The following ATP2B2 variants were observed in gnomAD, a reference collection of about 807,000 sequenced individuals.
ATP2B2 encodes the protein plasma membrane calcium-transporting ATPase 2.
In ATP2B2, 15 loss-of-function variants were observed where a neutral mutation model predicts 120.0. The ratio of observed to expected loss-of-function variants is 0.12; its 90% CI spans 0.08 to 0.19. The LOEUF is 0.19. Among genes scored for constraint, ATP2B2 ranks in the 10% least tolerant of loss-of-function variants. The probability of loss-of-function intolerance (pLI) is 1.00; values close to 1 mark genes in which losing one functional copy is unlikely to be tolerated. For synonymous variants in ATP2B2, 694 were observed against 700.3 expected, an observed-to-expected ratio of 0.99 and a Z score of 0.14; for missense variants, 1,045 against 1,719.8, an observed-to-expected ratio of 0.61 and a Z score of 6.94.
At chr3:10,339,236 G>A (rs1462128446) in intron 21 of ATP2B2, among the ~76,000 whole-genome samples, 2 of 152,210 alleles carry the variant, frequency 1.3e-5, no homozygotes, top group Non-Finnish European at 2.9e-5. Context: ...CTGGCCCCCA[G>A]GGTGCCCAGG....
chr3:10,574,942 T>C (rs939353983), intron 2 of ATP2B2, among the ~76,000 whole-genome samples: 1 of 152,082 alleles, frequency 6.6e-6, no homozygotes, highest in Non-Finnish European at 1.5e-5. Context: ...GGAACAGCCA[T>C]TCACAAAGGG....
intron 1 of ATP2B2, among the ~76,000 whole-genome samples, chr3:10,452,061 C>T (rs2064075667): frequency 6.6e-6 from 1 of 152,246 alleles, no homozygotes; most frequent in Non-Finnish European, 1.5e-5. Context: ...GACACTGTCT[C>T]ATTCTGTGCA....
intron 1 of ATP2B2, among the ~76,000 whole-genome samples, chr3:10,484,485 T>C (rs2065552670): frequency 6.6e-6 from 1 of 152,036 alleles, no homozygotes; most frequent in Non-Finnish European, 1.5e-5. Flanking sequence ...GGGGTCTCTG[T>C]GGCATTTTGA....
rs867952839 is a variant in ATP2B2, at chr3:10,582,860, G to T, written c.-415+37057C>A. On this transcript the variant is annotated intron_variant, in intron 2 of 21. Coordinates refer to the ATP2B2 transcript ENST00000646379. ...AGGGCAGCCACACCACATGGCTCCA[G>T]CTGGTACCATGCATTCTGCATCTAC... Among the ~76,000 whole-genome samples the T allele has an allele frequency of 3.6e-4, 55 of 152,348 alleles. No individual in the cohort carries two copies. The Middle Eastern group carries it at 0.01, about 28-fold the overall frequency.
At chr3:10,393,070 T>C (rs113636252) in intron 5 of ATP2B2, among the ~76,000 whole-genome samples, 7,724 of 152,188 alleles carry the variant, frequency 0.051, 360 homozygotes, top group African/African-American at 0.12. Context: ...GGCTCTCGGG[T>C]CTGAGAGAGG....
At chr3:10,337,720 C>T (rs921854892) in intron 22 of ATP2B2, among the ~76,000 whole-genome samples, 5 of 152,222 alleles carry the variant, frequency 3.3e-5, no homozygotes, top group Admixed American at 2.6e-4. Context: ...GGGAGAGCAA[C>T]TGAAGCCCCC....
At chr3:10,553,474 G>T (rs1352785088) in intron 2 of ATP2B2, among the ~76,000 whole-genome samples, 1 of 152,236 alleles carries the variant, frequency 6.6e-6, no homozygotes, top group Non-Finnish European at 1.5e-5. Flanking sequence ...CCAGAAGGTT[G>T]ATGTTCCAAC....
intron 2 of ATP2B2, among the ~76,000 whole-genome samples, chr3:10,441,142 G>C (rs2063649799): frequency 6.6e-6 from 1 of 152,188 alleles, no homozygotes; most frequent in African/African-American, 2.4e-5. Flanking sequence ...AAGGGGATCT[G>C]GAAGGGGTTC....
chr3:10,365,399 C>T (rs868460704), intron 12 of ATP2B2, among the ~76,000 whole-genome samples: 1 of 152,238 alleles, frequency 6.6e-6, no homozygotes, highest in Non-Finnish European at 1.5e-5. Context: ...CAGAATCATC[C>T]TCTAAAGGCC....
chr3:10,588,570 G>A (rs2068569634), intron 2 of ATP2B2, among the ~76,000 whole-genome samples: 2 of 152,072 alleles, frequency 1.3e-5, no homozygotes, highest in South Asian at 4.1e-4. Context: ...CCTATCTCTG[G>A]GCCGGCATCA....
At chr3:10,502,469 C>G (rs1417445931) in intron 1 of ATP2B2, among the ~76,000 whole-genome samples, 2 of 152,250 alleles carry the variant, frequency 1.3e-5, no homozygotes, top group Admixed American at 6.5e-5. Flanking sequence ...GGGGCCAACA[C>G]AGGCCTCTGC....
chr3:10,517,337 T>C (rs1306063816), intron 3 of ATP2B2, among the ~76,000 whole-genome samples: 1 of 152,082 alleles, frequency 6.6e-6, no homozygotes, highest in Non-Finnish European at 1.5e-5. Flanking sequence ...GAGGTGGTGG[T>C]GGAGCACCAT....
chr3:10,690,789 TTATGAATTA>T (rs1354049952), intron 1 of ATP2B2, among the ~76,000 whole-genome samples: 1 of 152,198 alleles, frequency 6.6e-6, no homozygotes, highest in Non-Finnish European at 1.5e-5. Context: ...ACTGCCCTGG[TTATGAATTA>T]TATGAATTAT....
chr3:10,487,889 C>T (rs544958054), intron 1 of ATP2B2, among the ~76,000 whole-genome samples: 2 of 152,312 alleles, frequency 1.3e-5, no homozygotes, highest in South Asian at 2.1e-4. Context: ...TTCTGGCAAT[C>T]GAAGTCCACT....
intron 1 of ATP2B2, among the ~76,000 whole-genome samples, chr3:10,654,408 G>T (rs529766569): frequency 6.6e-6 from 1 of 152,228 alleles, no homozygotes; most frequent in East Asian, 1.9e-4. Flanking sequence ...CTGACTCAAG[G>T]AGGAGACAAC....
At chr3:10,474,266 T>C (rs932409697) in intron 1 of ATP2B2, among the ~76,000 whole-genome samples, 4 of 152,132 alleles carry the variant, frequency 2.6e-5, no homozygotes. Context: ...TGGGTAGGCA[T>C]GATGAAGAAT....
intron 1 of ATP2B2, among the ~76,000 whole-genome samples, chr3:10,625,775 G>A (rs1006058192): frequency 2.6e-5 from 4 of 152,146 alleles, no homozygotes; most frequent in Non-Finnish European, 5.9e-5. Context: ...CACACTCTGG[G>A]ACACCTCTCC....
chr3:10,667,293 G>C (rs1310032519), intron 1 of ATP2B2, among the ~76,000 whole-genome samples: 1 of 152,212 alleles, frequency 6.6e-6, no homozygotes, highest in Non-Finnish European at 1.5e-5. Context: ...TCATCCAGCT[G>C]GTGAGCAGTG....
At chr3:10,389,395 C>T (rs1051415413) in intron 5 of ATP2B2, among the ~76,000 whole-genome samples, 15 of 152,220 alleles carry the variant, frequency 9.9e-5, no homozygotes, top group South Asian at 4.1e-4. Flanking sequence ...ATGGTCTATA[C>T]ACTCAATGGA....
Sources: allele counts gnomAD v4.1 joint callset (sites outside exome capture counted in the v4.1 genomes callset), GRCh38; gene constraint gnomAD v4.1.1; transcripts MANE v1.5; gene names NCBI Gene and HGNC (gene_info 2026-07-23, HGNC 2026-07-21).